Variants in PTCHD1 observed in about 807,000 individuals in gnomAD.
The protein encoded by PTCHD1 is patched domain containing 1, also known as patched domain-containing protein 1.
PTCHD1 carries 3 observed loss-of-function variants against 34.6 expected under a neutral mutation model. The ratio of observed to expected loss-of-function variants is 0.09; its 90% confidence interval spans 0.04 to 0.22. The LOEUF (loss-of-function observed/expected upper bound fraction) is 0.22. Among genes scored for constraint, PTCHD1 ranks in the 10% least tolerant of loss-of-function variants. PTCHD1 has a pLI of 1.00. For synonymous variants in PTCHD1, 305 were observed against 283.1 expected (o/e 1.08, Z -0.77); for missense variants, 504 against 685.5 (o/e 0.74, Z 2.96).
At chrX:23,346,118 C>T (rs1921470895) in intron 1 of PTCHD1, among the ~76,000 whole-genome samples, 1 of 112,267 alleles carries the variant, frequency 8.9e-6, no homozygotes, top group Admixed American at 9.4e-5. Flanking sequence ...GGGTCATCTG[C>T]CATTTGCCTT....
intron 1 of PTCHD1, among the ~76,000 whole-genome samples, chrX:23,360,662 G>A (rs183266777): frequency 9.0e-6 from 1 of 111,330 alleles, no homozygotes; most frequent in African/African-American, 3.3e-5. Context: ...GTTCTGCTCT[G>A]ATCTTAGTTA....
intron 1 of PTCHD1, among the ~76,000 whole-genome samples, chrX:23,354,772 C>T (rs1316782862): frequency 9.2e-6 from 1 of 108,854 alleles, no homozygotes; most frequent in Non-Finnish European, 1.9e-5. Flanking sequence ...GGGGTTTCAC[C>T]ATCTTGGCCA....
At chrX:23,360,928 A>C (rs1921963216) in intron 1 of PTCHD1, among the ~76,000 whole-genome samples, 1 of 111,912 alleles carries the variant, frequency 8.9e-6, no homozygotes, top group South Asian at 3.7e-4. Flanking sequence ...TTCAAGAGCA[A>C]GTTGTTCAGT....
At chrX:23,378,065 T>G (rs1210467035) in intron 1 of PTCHD1, among the ~76,000 whole-genome samples, 1 of 111,955 alleles carries the variant, frequency 8.9e-6, no homozygotes, top group East Asian at 2.8e-4. Flanking sequence ...AGCACAGTCG[T>G]AGATGTACTA....
chrX:23,349,828 C>T (rs4370682), intron 1 of PTCHD1, among the ~76,000 whole-genome samples: 1 of 109,882 alleles, frequency 9.1e-6, no homozygotes, highest in Non-Finnish European at 1.9e-5. Flanking sequence ...GTCTACTACT[C>T]TGGGAAAATA....
chrX:23,364,373 CA>C (rs1180929476), intron 1 of PTCHD1, among the ~76,000 whole-genome samples: 135 of 37,872 alleles, frequency 3.6e-3, no homozygotes, highest in African/African-American at 0.017. Flanking sequence ...AGAGTGTAGA[CA>C]CACACACACA....
At chrX:23,362,883 G>T (rs1201008621) in intron 1 of PTCHD1, among the ~76,000 whole-genome samples, 2 of 112,386 alleles carry the variant, frequency 1.8e-5, no homozygotes, top group East Asian at 2.8e-4. Context: ...TAACAGTCAG[G>T]TCCCTCAGCT....
chrX:23,382,496 A>C (rs1198091033), intron 2 of PTCHD1, among the ~76,000 whole-genome samples: 2 of 112,553 alleles, frequency 1.8e-5, no homozygotes, highest in African/African-American at 6.5e-5. Flanking sequence ...GCAGGGAAGG[A>C]TGTAAGAGAT....
upstream of PTCHD1, chrX:23,334,765 T>TCGC (rs1246847185): frequency 6.0e-5 from 10 of 165,429 alleles, no homozygotes; most frequent in South Asian, 2.3e-3. Flanking sequence ...GCCGCCGCCG[T>TCGC]CGCCGCCGCC....
At chrX:23,390,438 T>G (rs1922802126) in intron 2 of PTCHD1, among the ~76,000 whole-genome samples, 1 of 110,958 alleles carries the variant, frequency 9.0e-6, no homozygotes, top group African/African-American at 3.3e-5. Flanking sequence ...TAATTAAAGG[T>G]CAGTGGGTCC....
chrX:23,379,422 C>G (rs868090965), intron 1 of PTCHD1, among the ~76,000 whole-genome samples, 169 bp from the exon 2 acceptor site: 6 of 111,800 alleles, frequency 5.4e-5, no homozygotes, highest in Non-Finnish European at 1.1e-4. Context: ...GGCCACATTG[C>G]GAGAACCACT....
At chrX:23,367,672 C>A (rs1045915813) in intron 1 of PTCHD1, among the ~76,000 whole-genome samples, 1 of 111,170 alleles carries the variant, frequency 9.0e-6, no homozygotes, top group Non-Finnish European at 1.9e-5. Context: ...AAGGAAGTTG[C>A]AATAGTGGGA....
chrX:23,340,519 C>T (rs1307898714), intron 1 of PTCHD1, among the ~76,000 whole-genome samples: 1 of 112,354 alleles, frequency 8.9e-6, no homozygotes, highest in African/African-American at 3.2e-5. Context: ...CAGTCGCCCA[C>T]TTAGGTCGGG....
At chrX:23,371,474 A>C (rs767275701) in intron 1 of PTCHD1, among the ~76,000 whole-genome samples, 1 of 112,046 alleles carries the variant, frequency 8.9e-6, no homozygotes, top group South Asian at 3.8e-4. Context: ...TATCCCATTT[A>C]GGAGGACATG....
chrX:23,379,973 G>A lies in PTCHD1; in HGVS notation c.734G>A (p.Ser245Asn). 1 of 1,211,892 alleles carries A rather than the reference G, an allele frequency of 8.3e-7. No individual in the cohort carries two copies. Among genetic ancestry groups the A allele is most frequent in the Non-Finnish European group, 1.1e-6 (1 of 895,537 alleles). The stretch of plus-strand genomic sequence containing the variant: ...GTCAGACTGTTTCAGAAATCCAACA[G>A]CAAAGTCAAAATGTACCCTTACACG... ...DTVRLFQKSNSKVKMYPYTSS... is the reference protein window; with the variant it reads ...DTVRLFQKSNNKVKMYPYTSS... Residue 245 changes from serine (S) to asparagine (N), a missense_variant, in exon 2 of 3, where the codon AGC becomes AAC. Physicochemically the swap from Ser to Asn is conservative, Grantham distance 46. Coordinates refer to ENST00000379361, the MANE Select transcript of PTCHD1 (RefSeq NM_173495.3).
intron 1 of PTCHD1, among the ~76,000 whole-genome samples, chrX:23,360,903 T>G (rs1276261058): frequency 8.9e-6 from 1 of 112,370 alleles, no homozygotes; most frequent in Non-Finnish European, 1.9e-5. Context: ...CATTTCGTTA[T>G]TTACCCAGTA....
At position 23,372,164 on chromosome X, in the gene PTCHD1, T is replaced by C. The variant is rs201826686; in HGVS notation, c.352-7427T>C. 1.4e-4 allele frequency among the ~76,000 whole-genome samples: 15 copies of C among 109,440 alleles called. No homozygotes were observed. The East Asian group carries it at 4.3e-3, about 31-fold the overall frequency. ...TTAAAACAAGAAAAGATGATGGTGA[T>C]GGGCAAACATACTAGTGTTTTTTTT... On this transcript the variant is annotated intron_variant, in intron 1 of 2. Coordinates refer to ENST00000379361, the MANE Select transcript of PTCHD1 (RefSeq NM_173495.3).
rs768822584 is a variant in PTCHD1, at chrX:23,394,781, C to T, written c.*596C>T. On this transcript the variant is annotated 3_prime_UTR_variant, in exon 3 of 3. Transcript: ENST00000379361. ...TGGAAACTGATATGTGGTAGAGTGG[C>T]CATCACTCATGGACTAAAATTGATT... 6 of 113,366 alleles carry T rather than the reference C, an allele frequency of 5.3e-5. No homozygotes were observed. The East Asian group carries it at 1.7e-3, about 32-fold the overall frequency. 9.3% of individuals were successfully genotyped at this position (113,366 alleles called of 1,213,427 possible).
chrX:23,335,071 G>C lies in PTCHD1; in HGVS notation c.196G>C (p.Glu66Gln). The stretch of plus-strand genomic sequence containing the variant: ...GCCCCAGCACAGCCTGGCCAAGATC[G>C]AGCGCAACCTCGTTAACAGCCTCTT... ...LAPQHSLAKIERNLVNSLFPV... is the reference protein window; with the variant it reads ...LAPQHSLAKIQRNLVNSLFPV... Residue 66 changes from glutamate to glutamine, a missense_variant, in exon 1 of 3, where the codon GAG becomes CAG. Physicochemically the swap from Glu to Gln is conservative, Grantham distance 29. Transcript: ENST00000379361. 1 of 1,211,029 alleles carries C rather than the reference G, an allele frequency of 8.3e-7. No individual in the cohort carries two copies. Among genetic ancestry groups the C allele is most frequent in the Non-Finnish European group, 1.1e-6 (1 of 895,098 alleles).
Sources: allele counts gnomAD v4.1 joint callset (sites outside exome capture counted in the v4.1 genomes callset), GRCh38; gene constraint gnomAD v4.1.1; transcripts MANE v1.5; gene names NCBI Gene and HGNC (gene_info 2026-07-23, HGNC 2026-07-21).